The following VSTM2B variants were observed in gnomAD, a reference collection of about 807,000 sequenced individuals.
The protein encoded by VSTM2B is V-set and transmembrane domain-containing protein 2B.
VSTM2B carries 24 observed loss-of-function variants against 24.0 expected under a neutral mutation model. The observed-to-expected ratio is 1.00, with a 90% confidence interval of 0.72 to 1.40. The LOEUF (loss-of-function observed/expected upper bound fraction) is 1.40. Ranked by LOEUF, VSTM2B falls within the 40% of genes most tolerant of loss-of-function variation. The pLI, the probability that VSTM2B is intolerant of heterozygous loss-of-function variation, is 0.00. For synonymous variants in VSTM2B, 226 were observed against 194.4 expected (o/e 1.16, Z -1.35); for missense variants, 399 against 416.4 (o/e 0.96, Z 0.36).
chr19:29,533,056 A>G lies in VSTM2B; in HGVS notation c.769+2766A>G, dbSNP rs141304400. On this transcript the variant is annotated intron_variant, in intron 4 of 4. Transcript: ENST00000335523. The stretch of plus-strand genomic sequence containing the variant: ...CTGATCTCCAGTCTCGGTGCTGGCC[A>G]TGGAGGCTGAATGAGAGAGTGAAGA... 3.9e-5 allele frequency among the ~76,000 whole-genome samples: 6 copies of G among 152,318 alleles called. No individual in the cohort carries two copies. In the East Asian group the frequency reaches 7.7e-4, roughly 20 times the overall value.
chr19:29,527,165 C>G, intron 1 of VSTM2B, 46 bp from the exon 2 acceptor site: 1 of 1,511,102 alleles, frequency 6.6e-7, no homozygotes, highest in East Asian at 2.5e-5. Flanking sequence ...GCCCCAGGCC[C>G]CCGACCTACA....
At chr19:29,539,274 G>T (rs528399650) in intron 4 of VSTM2B, among the ~76,000 whole-genome samples, 2 of 152,254 alleles carry the variant, frequency 1.3e-5, no homozygotes, top group East Asian at 3.9e-4. Context: ...ATGCCTGGTC[G>T]TGCTTCTTTG....
At chr19:29,558,653 T>C (rs1425238310) in intron 4 of VSTM2B, among the ~76,000 whole-genome samples, 6 of 152,132 alleles carry the variant, frequency 3.9e-5, no homozygotes, top group Non-Finnish European at 5.9e-5. Context: ...AAGTAGCAGC[T>C]GAACAATGAG....
chr19:29,547,357 C>A (rs549555541), intron 4 of VSTM2B, among the ~76,000 whole-genome samples: 3 of 152,296 alleles, frequency 2.0e-5, no homozygotes, highest in South Asian at 4.1e-4. Context: ...AAAAGTAACT[C>A]CTGCCATTAC....
In VSTM2B at chr19:29,544,383, G is replaced by T. The variant is rs145551938; in HGVS notation, c.769+14093G>T. ...CTACTGAAAATATAAAAAATTAGCCGGGCTTGGTGGCGGGCACCTGTAATC... is the reference window on the plus strand; with the variant it reads ...CTACTGAAAATATAAAAAATTAGCCTGGCTTGGTGGCGGGCACCTGTAATC... On this transcript the variant is annotated intron_variant, in intron 4 of 4. Coordinates refer to ENST00000335523, the MANE Select transcript of VSTM2B (RefSeq NM_001146339.2). Among the ~76,000 whole-genome samples, 224 of 151,398 alleles carry T rather than the reference G, an allele frequency of 1.5e-3. 3 individuals are homozygous for T. Among genetic ancestry groups the T allele is most frequent in the East Asian group, 5.8e-4 (3 of 5,146 alleles).
chr19:29,526,604 C>G lies in VSTM2B; in HGVS notation c.21C>G (p.Leu7=), dbSNP rs1371029469. 4.6e-6 allele frequency: 7 copies of G among 1,528,110 alleles called. No homozygotes were observed. The highest frequency in any genetic ancestry group is 6.1e-6 in the Non-Finnish European group (7 of 1,142,922). The allele number at this position is 1,528,110 out of a possible 1,614,324, so 94.7% of individuals were successfully genotyped here. A position where few individuals can be genotyped will look rare whatever the true frequency, so the allele number is the denominator to read the frequency against. Residue 7 remains leucine, a synonymous_variant, in exon 1 of 5, where the codon CTC becomes CTG. Transcript: ENST00000335523. The surrounding 1 kb of genome is among the most constrained non-coding windows in gnomAD (Gnocchi z 4.1). ...GGGAGATGGAACAGCGGAACCGGCTCGGTGCCCTCGGATACCTGCCGCCTC... is the reference window on the plus strand; with the variant it reads ...GGGAGATGGAACAGCGGAACCGGCTGGGTGCCCTCGGATACCTGCCGCCTC... MEQRNR[L]GALGYLPPLL...
chr19:29,532,882 A>G (rs914722784), intron 4 of VSTM2B, among the ~76,000 whole-genome samples: 4 of 152,236 alleles, frequency 2.6e-5, no homozygotes, highest in African/African-American at 9.6e-5. Context: ...TGTGAAATAG[A>G]TCTTTGAGAG....
chr19:29,531,238 G>T (rs1272774787), intron 4 of VSTM2B, among the ~76,000 whole-genome samples: 1 of 152,180 alleles, frequency 6.6e-6, no homozygotes, highest in East Asian at 1.9e-4. Context: ...CTGTGAGCAG[G>T]TTGCTCCCTC....
At chr19:29,528,284 G>A (rs377593010) in intron 2 of VSTM2B, 149 bp from the exon 3 acceptor site, 5 of 939,172 alleles carry the variant, frequency 5.3e-6, no homozygotes, top group African/African-American at 3.3e-5. Context: ...TTGGAAAGCC[G>A]GACGTCCTTT....
intron 4 of VSTM2B, among the ~76,000 whole-genome samples, chr19:29,549,729 A>G (rs1206255693): frequency 6.6e-6 from 1 of 152,182 alleles, no homozygotes; most frequent in Non-Finnish European, 1.5e-5. Context: ...TGTAGCCAGG[A>G]TGGCTACTAG....
intron 4 of VSTM2B, among the ~76,000 whole-genome samples, chr19:29,561,408 G>C (rs1970522244): frequency 1.3e-5 from 2 of 152,178 alleles, no homozygotes; most frequent in Non-Finnish European, 2.9e-5. Flanking sequence ...TGGATCACCT[G>C]AGGTCAGGAG....
Position 29,530,103 on chromosome 19 carries a change from G to A in VSTM2B, c.582G>A (p.Glu194=), listed in dbSNP as rs904031128. The stretch of plus-strand genomic sequence containing the variant: ...GCGCCGCGAGCCGTACCACCTCCGA[G>A]CCCGGCCGCGGCGACAAGAGCCCGC... ...NAGAASRTTS[E]PGRGDKSPPP... is the part of the protein sequence containing the mutation. Residue 194 remains glutamate, a synonymous_variant, in exon 4 of 5, where the codon GAG becomes GAA. Transcript: ENST00000335523. The A allele has an allele frequency of 5.5e-6, 8 of 1,451,584 alleles. No homozygotes were observed. The African/African-American group carries it at 1.0e-4, about 19-fold the overall frequency. The allele number at this position is 1,451,584 out of a possible 1,614,324, so 89.9% of individuals were successfully genotyped here. A position where few individuals can be genotyped will look rare whatever the true frequency, so the allele number is the denominator to read the frequency against.
In VSTM2B at chr19:29,526,010, G is replaced by A. The variant is rs1345936879; in HGVS notation, c.-574G>A. Among the ~76,000 whole-genome samples the A allele has an allele frequency of 1.3e-5, 2 of 151,994 alleles. No individual in the cohort carries two copies. The highest frequency in any genetic ancestry group is 4.2e-4 in the South Asian group (2 of 4,812). On this transcript the variant is annotated 5_prime_UTR_variant, in exon 1 of 5. Coordinates refer to ENST00000335523, the MANE Select transcript of VSTM2B (RefSeq NM_001146339.2). The surrounding 1 kb of genome is among the most constrained non-coding windows in gnomAD (Gnocchi z 4.1). ...CCTCTCCCCGCCTCTCTCCGGCTCC[G>A]GGTCCGCCACGCCGGACCCGCTCTC... is the stretch of plus-strand genomic sequence containing the variant.
intron 4 of VSTM2B, among the ~76,000 whole-genome samples, chr19:29,550,294 G>A (rs577508807): frequency 2.0e-4 from 31 of 152,320 alleles, no homozygotes; most frequent in Admixed American, 1.6e-3. Context: ...AATTATCTGG[G>A]CATGGTGGCA....
At position 29,554,114 on chromosome 19, in the gene VSTM2B, C is replaced by T. The variant is rs575499174; in HGVS notation, c.770-9732C>T. On this transcript the variant is annotated intron_variant, in intron 4 of 4. Transcript: ENST00000335523. ...CCATGAGAAGATCAACCCCAAGACA[C>T]ATAATCATCAGATTCTCCAAGGTTG... 1.5e-4 allele frequency among the ~76,000 whole-genome samples: 23 copies of T among 152,232 alleles called. No individual in the cohort carries two copies. The South Asian group carries it at 4.2e-3, about 28-fold the overall frequency.
chr19:29,532,655 TA>T (rs767569400), intron 4 of VSTM2B, among the ~76,000 whole-genome samples: 70 of 152,210 alleles, frequency 4.6e-4, no homozygotes, highest in Non-Finnish European at 4.4e-4. Flanking sequence ...GAGTCATCTG[TA>T]AAATGAACAG....
intron 4 of VSTM2B, among the ~76,000 whole-genome samples, chr19:29,562,172 C>A (rs926541472): frequency 1.3e-5 from 2 of 152,214 alleles, no homozygotes; most frequent in Non-Finnish European, 2.9e-5. Context: ...CCTGGACTTT[C>A]AGGCCAGATG....
chr19:29,561,692 G>A (rs1436305263), intron 4 of VSTM2B, among the ~76,000 whole-genome samples: 1 of 152,198 alleles, frequency 6.6e-6, no homozygotes, highest in African/African-American at 2.4e-5. Flanking sequence ...CTGGCTGTGG[G>A]TGAAGTACCC....
chr19:29,555,101 A>G (rs1970377013), intron 4 of VSTM2B, among the ~76,000 whole-genome samples: 1 of 152,216 alleles, frequency 6.6e-6, no homozygotes, highest in South Asian at 2.1e-4. Context: ...AAAACAACGG[A>G]ATATGCATTC....
Sources: allele counts gnomAD v4.1 joint callset (sites outside exome capture counted in the v4.1 genomes callset), GRCh38; gene constraint gnomAD v4.1.1; non-coding constraint Gnocchi (gnomAD v3.1); transcripts MANE v1.5; gene names NCBI Gene and HGNC (gene_info 2026-07-23, HGNC 2026-07-21).